The following EYA4 variants were observed in gnomAD, a reference collection of about 807,000 sequenced individuals.
EYA4 encodes protein phosphatase EYA4.
EYA4 carries 31 observed loss-of-function variants against 87.9 expected under a neutral mutation model. The observed-to-expected ratio is 0.35, with a 90% CI of 0.27 to 0.48. The LOEUF is 0.48. Ranked by LOEUF, EYA4 falls within the 20% of genes least tolerant of loss-of-function variation. The probability of loss-of-function intolerance (pLI) is 0.99; values close to 1 mark genes in which losing one functional copy is unlikely to be tolerated. For missense variants in EYA4, 678 were observed against 761.4 expected (o/e 0.89, Z 1.29); for synonymous variants, 263 against 270.6 (o/e 0.97, Z 0.28).
At chr6:133,421,465 G>A (rs540934773) in intron 3 of EYA4, among the ~76,000 whole-genome samples, 1 of 152,318 alleles carries the variant, frequency 6.6e-6, no homozygotes, top group African/African-American at 2.4e-5. Flanking sequence ...TATTCCATAT[G>A]CCTAAAATTT....
At chr6:133,435,088 G>A (rs942497059) in intron 3 of EYA4, 22 of 152,276 alleles carry the variant, frequency 1.4e-4, no homozygotes, top group African/African-American at 5.3e-4. Context: ...CTGGTTTTCG[G>A]AAACATTTAT....
intron 3 of EYA4, 71 bp downstream of exon 3, chr6:133,382,512 C>A: frequency 1.0e-6 from 1 of 984,650 alleles, no homozygotes; most frequent in South Asian, 1.3e-5. Context: ...AGATGTTATA[C>A]CTGAGACACA....
At chr6:133,351,379 A>G (rs905613734) in intron 2 of EYA4, among the ~76,000 whole-genome samples, 1 of 152,206 alleles carries the variant, frequency 6.6e-6, no homozygotes, top group Non-Finnish European at 1.5e-5. Context: ...TTGTGTTTCA[A>G]CCTATGTATA....
intron 11 of EYA4, among the ~76,000 whole-genome samples, chr6:133,474,609 A>G (rs1015307889): frequency 6.6e-6 from 1 of 152,094 alleles, no homozygotes; most frequent in African/African-American, 2.4e-5. Flanking sequence ...TATTCTCTCA[A>G]CCAAAATCGT....
At chr6:133,260,643 C>T (rs1317720011) in intron 1 of EYA4, among the ~76,000 whole-genome samples, 1 of 152,150 alleles carries the variant, frequency 6.6e-6, no homozygotes, top group Non-Finnish European at 1.5e-5. Flanking sequence ...CTAGGTCAGT[C>T]TTTATTTTAT....
intron 2 of EYA4, among the ~76,000 whole-genome samples, chr6:133,364,809 C>T (rs117023825): frequency 6.6e-6 from 1 of 152,280 alleles, no homozygotes; most frequent in Non-Finnish European, 1.5e-5. Flanking sequence ...GTTGGAATGG[C>T]TTCCTAAAAT....
At chr6:133,261,439 G>A (rs925236265) in intron 1 of EYA4, among the ~76,000 whole-genome samples, 2 of 151,994 alleles carry the variant, frequency 1.3e-5, no homozygotes, top group African/African-American at 4.8e-5. Context: ...TCTTTCACAT[G>A]TCCGTCTATA....
At chr6:133,496,054 A>G (rs9493631) in intron 13 of EYA4, among the ~76,000 whole-genome samples, 9,020 of 152,262 alleles carry the variant, frequency 0.059, 888 homozygotes, top group African/African-American at 0.2. Flanking sequence ...ATCCTCTATA[A>G]CTAAGTTTAA....
chr6:133,472,481 T>G (rs1056496540), intron 11 of EYA4, among the ~76,000 whole-genome samples: 4 of 89,250 alleles, frequency 4.5e-5, no homozygotes, highest in African/African-American at 2.4e-4. Flanking sequence ...ATTTCTGTTC[T>G]TTTACATTTG....
intron 2 of EYA4, among the ~76,000 whole-genome samples, chr6:133,372,574 A>ATT (rs145004786): frequency 3.3e-5 from 5 of 150,172 alleles, no homozygotes; most frequent in African/African-American, 1.2e-4. Context: ...CTATAAATAC[A>ATT]TTTTTTTTTA....
intron 3 of EYA4, among the ~76,000 whole-genome samples, chr6:133,424,767 C>T (rs1479659559): frequency 6.6e-6 from 1 of 150,818 alleles, no homozygotes; most frequent in African/African-American, 2.5e-5. Flanking sequence ...CTGTTCTTGG[C>T]ACCCCTCAAG....
At chr6:133,483,376 A>C (rs530723727) in intron 13 of EYA4, among the ~76,000 whole-genome samples, 1 of 152,120 alleles carries the variant, frequency 6.6e-6, no homozygotes, top group Admixed American at 6.5e-5. Context: ...TTAGTCTCAC[A>C]TAATTATTTT....
chr6:133,254,846 AG>A (rs750747478), intron 1 of EYA4, among the ~76,000 whole-genome samples: 5 of 152,212 alleles, frequency 3.3e-5, no homozygotes, highest in Non-Finnish European at 7.3e-5. Context: ...AGAACAAAAC[AG>A]AAAAAGAGAA....
In EYA4 at chr6:133,317,642, G is replaced by T. The variant is rs868367965; in HGVS notation, c.33+42829G>T. The stretch of plus-strand genomic sequence containing the variant: ...CATCTCAATGTTCTGGAGTAAAATT[G>T]TTATTAAGTGTATGAAATAAAAAAC... On this transcript the variant is annotated intron_variant, in intron 2 of 19. Transcript: ENST00000355286. Among the ~76,000 whole-genome samples, 64 of 152,178 alleles carry T rather than the reference G, an allele frequency of 4.2e-4. 1 individual carries two copies. The highest frequency in any genetic ancestry group is 3.4e-3 in the Middle Eastern group (1 of 294).
chr6:133,296,553 T>A (rs927634774), intron 2 of EYA4, among the ~76,000 whole-genome samples: 2 of 152,096 alleles, frequency 1.3e-5, no homozygotes, highest in African/African-American at 4.8e-5. Context: ...GCCAACCAGA[T>A]AAGCTGATGG....
intron 3 of EYA4, 35 bp from the exon 4 acceptor site, chr6:133,446,595 T>C (rs1374117449): frequency 6.2e-7 from 1 of 1,613,292 alleles, no homozygotes; most frequent in Non-Finnish European, 8.5e-7. Flanking sequence ...ACTGCTGCAA[T>C]TTCAACTTTT....
At chr6:133,420,375 T>G (rs944873815) in intron 3 of EYA4, among the ~76,000 whole-genome samples, 3 of 152,344 alleles carry the variant, frequency 2.0e-5, no homozygotes, top group Admixed American at 2.0e-4. Context: ...AAACAATATG[T>G]TGCATTTGCA....
At chr6:133,513,352 G>A (rs1221133788) in intron 16 of EYA4, among the ~76,000 whole-genome samples, 4 of 152,098 alleles carry the variant, frequency 2.6e-5, no homozygotes, top group Non-Finnish European at 5.9e-5. Context: ...ATCAGACAGA[G>A]GAACTAACCG....
Position 133,464,817 on chromosome 6 carries a change from A to C in EYA4, c.763A>C (p.Asn255His). Residue 255 changes from asparagine (N) to histidine (H), a missense_variant, in exon 10 of 20, where the codon AAT becomes CAT. By Grantham distance (68) the Asn-to-His change is moderately conservative. Transcript: ENST00000355286. ...FAPSSTIYAN[N>H]SVSNSTNFSG... is the part of the protein sequence containing the mutation. The stretch of plus-strand genomic sequence containing the variant: ...ACCATCATCTACTATTTATGCAAAT[A>C]ATTCAGTTTCCAATTCAACGAATTT... 1 of 1,611,634 alleles carries C rather than the reference A, an allele frequency of 6.2e-7. No homozygotes were observed. Among genetic ancestry groups the C allele is most frequent in the Non-Finnish European group, 8.5e-7 (1 of 1,178,414 alleles).
Sources: allele counts gnomAD v4.1 joint callset (sites outside exome capture counted in the v4.1 genomes callset), GRCh38; gene constraint gnomAD v4.1.1; transcripts MANE v1.5; gene names NCBI Gene and HGNC (gene_info 2026-07-23, HGNC 2026-07-21).